SLC24A2: variants seen among roughly 807,000 people sequenced by gnomAD.
The protein encoded by SLC24A2 is solute carrier family 24 member 2.
In SLC24A2, 36 loss-of-function variants were observed where a neutral mutation model predicts 62.0. That is an observed-to-expected ratio of 0.58 (90% CI 0.44 to 0.77). SLC24A2 has a LOEUF of 0.77. Among genes scored for constraint, SLC24A2 ranks in the 30% least tolerant of loss-of-function variants. SLC24A2 has a pLI of 0.00. For missense variants in SLC24A2, 846 were observed against 817.9 expected, an observed-to-expected ratio of 1.03 and a Z score of -0.42; for synonymous variants, 358 against 294.0, an observed-to-expected ratio of 1.22 and a Z score of -2.23.
At chr9:20,114,491 T>A in the SLC24A2 span, among the ~76,000 whole-genome samples, 1 of 152,220 alleles carries the variant, frequency 6.6e-6, no homozygotes, top group Admixed American at 6.5e-5. Context: ...ACTGCTAATA[T>A]TTTCTTATAA....
chr9:20,285,164 C>T, the SLC24A2 span, among the ~76,000 whole-genome samples: 2 of 151,916 alleles, frequency 1.3e-5, no homozygotes, highest in African/African-American at 2.4e-5. Context: ...TCCCTGTTAC[C>T]GACTGAATCA....
chr9:20,086,579 A>T, the SLC24A2 span, among the ~76,000 whole-genome samples: 1 of 152,166 alleles, frequency 6.6e-6, no homozygotes, highest in Non-Finnish European at 1.5e-5. Context: ...TTTGATAAAC[A>T]CTACTCTGGC....
At chr9:20,305,110 C>CT in the SLC24A2 span, among the ~76,000 whole-genome samples, 2,143 of 135,266 alleles carry the variant, frequency 0.016, 26 homozygotes, top group South Asian at 0.053. Flanking sequence ...AGGATAATAC[C>CT]TTTTTTTTTT....
chr9:20,266,884 C>A, the SLC24A2 span, among the ~76,000 whole-genome samples: 1 of 151,990 alleles, frequency 6.6e-6, no homozygotes, highest in African/African-American at 2.4e-5. Flanking sequence ...TTGAGACCCA[C>A]CTGGTCAACA....
chr9:19,703,189 T>C (rs1167246670), intron 2 of SLC24A2, among the ~76,000 whole-genome samples: 1 of 152,178 alleles, frequency 6.6e-6, no homozygotes, highest in Admixed American at 6.5e-5. Context: ...TTACAATTTT[T>C]GGAAATGACA....
chr9:20,261,139 C>G, the SLC24A2 span, among the ~76,000 whole-genome samples: 1 of 151,922 alleles, frequency 6.6e-6, no homozygotes, highest in Non-Finnish European at 1.5e-5. Context: ...ATTACAGGCA[C>G]GAGCCACTGC....
At chr9:20,209,055 T>C in the SLC24A2 span, among the ~76,000 whole-genome samples, 1 of 152,188 alleles carries the variant, frequency 6.6e-6, no homozygotes, top group East Asian at 1.9e-4. Context: ...AATGGAGACA[T>C]AAGTAGTATC....
chr9:19,554,277 T>TG (rs1225475032), intron 7 of SLC24A2, among the ~76,000 whole-genome samples: 28 of 152,176 alleles, frequency 1.8e-4, no homozygotes, highest in Non-Finnish European at 8.8e-5. Flanking sequence ...TCCAGAACTG[T>TG]GGTAAAGTAG....
the SLC24A2 span, among the ~76,000 whole-genome samples, chr9:20,295,036 G>GTATATATATA: frequency 0.012 from 1,777 of 145,634 alleles, 21 homozygotes; most frequent in Middle Eastern, 0.025. Flanking sequence ...GTGTATATAT[G>GTATATATATA]TATATATATA....
At chr9:19,807,020 C>T in the SLC24A2 span, among the ~76,000 whole-genome samples, 2 of 152,134 alleles carry the variant, frequency 1.3e-5, no homozygotes, top group Non-Finnish European at 2.9e-5. Context: ...AATCACATGT[C>T]AAAACAGACA....
At chr9:19,888,245 T>C in the SLC24A2 span, among the ~76,000 whole-genome samples, 1 of 152,230 alleles carries the variant, frequency 6.6e-6, no homozygotes, top group Admixed American at 6.5e-5. Context: ...GTTTATATAA[T>C]AGAATGATGT....
chr9:20,131,163 T>C, the SLC24A2 span, among the ~76,000 whole-genome samples: 2 of 152,072 alleles, frequency 1.3e-5, no homozygotes, highest in Non-Finnish European at 2.9e-5. Flanking sequence ...ATACGCGCCC[T>C]GTGCACACAA....
the SLC24A2 span, among the ~76,000 whole-genome samples, chr9:20,257,020 C>T: frequency 2.0e-5 from 3 of 151,964 alleles, no homozygotes; most frequent in South Asian, 6.2e-4. Flanking sequence ...CTTGTATTTG[C>T]CTTTGGTTAC....
At chr9:20,050,905 G>A in the SLC24A2 span, among the ~76,000 whole-genome samples, 3 of 152,116 alleles carry the variant, frequency 2.0e-5, no homozygotes, top group East Asian at 5.8e-4. Flanking sequence ...ATTAAAGGGT[G>A]TATGACTTCC....
the SLC24A2 span, among the ~76,000 whole-genome samples, chr9:19,919,850 C>A: frequency 1.3e-5 from 2 of 152,090 alleles, no homozygotes; most frequent in Admixed American, 1.3e-4. Flanking sequence ...GGTAACCGCC[C>A]CCATGATTCA....
At chr9:20,178,966 C>T in the SLC24A2 span, among the ~76,000 whole-genome samples, 1 of 152,126 alleles carries the variant, frequency 6.6e-6, no homozygotes, top group East Asian at 1.9e-4. Context: ...CTCAGAAAGA[C>T]CTGTGTCCAA....
chr9:19,611,349 G>A (rs1357973343), intron 4 of SLC24A2, among the ~76,000 whole-genome samples: 3 of 151,258 alleles, frequency 2.0e-5, no homozygotes, highest in Non-Finnish European at 1.5e-5. Flanking sequence ...GGGGAGGAAG[G>A]GAGGAAGGTG....
the SLC24A2 span, among the ~76,000 whole-genome samples, chr9:20,271,352 A>G: frequency 6.6e-6 from 1 of 152,212 alleles, no homozygotes; most frequent in Non-Finnish European, 1.5e-5. Flanking sequence ...TACCCAGAAT[A>G]TGCTCTCCTG....
chr9:20,128,988 G>A, the SLC24A2 span, among the ~76,000 whole-genome samples: 857 of 152,012 alleles, frequency 5.6e-3, 9 homozygotes, highest in Admixed American at 0.022. Flanking sequence ...ATACTATAAA[G>A]AAAATGAAAG....
Sources: gnomAD v4.1 joint callset for allele counts (sites outside exome capture counted in the v4.1 genomes callset) on GRCh38, gnomAD v4.1.1 for gene constraint, MANE v1.5 for transcripts, NCBI Gene and HGNC (gene_info 2026-07-23, HGNC 2026-07-21) for gene names.